The following AIRIM variants were observed in gnomAD, a reference collection of about 807,000 sequenced individuals.
The protein encoded by AIRIM is AFG2-interacting ribosome maturation factor.
At chr1:37,687,059 AGTGTGTGTGTGTGTGTGT>A in the AIRIM span, among the ~76,000 whole-genome samples, 867 of 141,382 alleles carry the variant, frequency 6.1e-3, 25 homozygotes, top group Admixed American at 0.044. Context: ...CCGTCTCAAA[AGTGTGTGTGTGTGTGTGT>A]GTGTGTGTGT....
At chr1:37,687,158 G>A in the AIRIM span, among the ~76,000 whole-genome samples, 5 of 149,354 alleles carry the variant, frequency 3.3e-5, no homozygotes, top group South Asian at 6.5e-4. Flanking sequence ...ATGGAGTTTC[G>A]TTCTTGTCGC....
At chr1:37,683,712 A>C in the AIRIM span, 1 of 318,254 alleles carries the variant, frequency 3.1e-6, no homozygotes, top group Non-Finnish European at 5.9e-6. Flanking sequence ...AAAGAACAAA[A>C]GGGACATGAG....
the AIRIM span, chr1:37,690,493 A>AGG: frequency 8.2e-7 from 1 of 1,220,906 alleles, no homozygotes; most frequent in African/African-American, 1.6e-5. Flanking sequence ...AGAACCCTCC[A>AGG]GGGACTGCAC....
chr1:37,692,200 G>A, the AIRIM span: 2 of 170,504 alleles, frequency 1.2e-5, no homozygotes, highest in South Asian at 2.4e-4. Context: ...TGACCTAGTA[G>A]GCCCCCAGCC....
At chr1:37,686,544 T>C in the AIRIM span, 17 of 1,288,778 alleles carry the variant, frequency 1.3e-5, no homozygotes, top group Non-Finnish European at 1.6e-5. Flanking sequence ...TTGGACTACA[T>C]GATTCTCTGT....
chr1:37,686,112 A>T, the AIRIM span, among the ~76,000 whole-genome samples: 22 of 152,302 alleles, frequency 1.4e-4, no homozygotes, highest in South Asian at 3.7e-3. Flanking sequence ...TACTCGATAA[A>T]TTATTAGAGG....
the AIRIM span, chr1:37,682,037 G>GT: frequency 6.6e-6 from 1 of 152,142 alleles, no homozygotes; most frequent in Admixed American, 6.5e-5. Flanking sequence ...GGGCAATATA[G>GT]TGAGACCCTA....
the AIRIM span, chr1:37,682,940 A>G: frequency 7.9e-6 from 5 of 633,096 alleles, no homozygotes; most frequent in Non-Finnish European, 1.4e-5. Context: ...ACGGCCTGGC[A>G]TGCTGCAGCT....
chr1:37,683,252 C>T, the AIRIM span: 1 of 1,612,124 alleles, frequency 6.2e-7, no homozygotes, highest in Non-Finnish European at 8.5e-7. Context: ...CCTAATGCTT[C>T]CAAAGAGGCG....
chr1:37,690,035 T>TC, the AIRIM span: 2 of 1,419,018 alleles, frequency 1.4e-6, no homozygotes, highest in Non-Finnish European at 1.8e-6. Flanking sequence ...TGTTTTTTTT[T>TC]CGAGACGGAG....
the AIRIM span, chr1:37,689,855 GC>G: frequency 1.3e-6 from 2 of 1,577,308 alleles, no homozygotes; most frequent in Non-Finnish European, 1.7e-6. Flanking sequence ...CTCCTGCACG[GC>G]AAGCAGAGGC....
chr1:37,682,832 C>G, the AIRIM span: 1 of 351,874 alleles, frequency 2.8e-6, no homozygotes, highest in African/African-American at 2.1e-5. Context: ...AGGAAAGACA[C>G]TATGTTCTTC....
chr1:37,687,302 T>C, the AIRIM span, among the ~76,000 whole-genome samples: 1 of 150,040 alleles, frequency 6.7e-6, no homozygotes, highest in African/African-American at 2.5e-5. Context: ...TAATTTTGTA[T>C]TTTTTTTTCA....
At chr1:37,690,544 T>TC in the AIRIM span, 9 of 1,134,994 alleles carry the variant, frequency 7.9e-6, no homozygotes, top group African/African-American at 1.3e-4. Context: ...ACACGCGACC[T>TC]CCCCACAAAG....
At chr1:37,683,069 A>C in the AIRIM span, 1 of 1,562,072 alleles carries the variant, frequency 6.4e-7, no homozygotes, top group Non-Finnish European at 8.8e-7. Flanking sequence ...ATCAGGGTTC[A>C]GAATGTCAGT....
chr1:37,685,984 C>G, the AIRIM span, among the ~76,000 whole-genome samples: 2 of 152,210 alleles, frequency 1.3e-5, no homozygotes, highest in Non-Finnish European at 2.9e-5. Context: ...ACTCCACCCT[C>G]ACTCCTCACT....
the AIRIM span, chr1:37,690,306 AC>A: frequency 7.7e-7 from 1 of 1,290,662 alleles, no homozygotes; most frequent in Middle Eastern, 2.1e-4. Context: ...TCTGAAGGAG[AC>A]CCTGGTTTCC....
the AIRIM span, chr1:37,683,124 T>C: frequency 6.2e-7 from 1 of 1,612,850 alleles, no homozygotes; most frequent in Non-Finnish European, 8.5e-7. Flanking sequence ...ATAGCTTCCT[T>C]ACTCTTCCAG....
At chr1:37,686,217 A>G in the AIRIM span, 84 of 1,488,970 alleles carry the variant, frequency 5.6e-5, no homozygotes, top group Non-Finnish European at 6.9e-5. Flanking sequence ...TGAAAACTGA[A>G]ATTTGAAAGA....
Sources: gnomAD v4.1 joint callset for allele counts (sites outside exome capture counted in the v4.1 genomes callset) on GRCh38, gnomAD v4.1.1 for gene constraint, MANE v1.5 for transcripts, NCBI Gene and HGNC (gene_info 2026-07-23, HGNC 2026-07-21) for gene names.